The following AEBP2 variants were observed in gnomAD, a reference collection of about 807,000 sequenced individuals.
AEBP2 encodes zinc finger protein AEBP2.
A neutral mutation model predicts 50.8 loss-of-function variants in AEBP2; 10 were observed. That is an observed-to-expected ratio of 0.20 (90% CI 0.12 to 0.33). The LOEUF (loss-of-function observed/expected upper bound fraction) is 0.33. Ranked by LOEUF, AEBP2 falls within the 10% of genes least tolerant of loss-of-function variation. AEBP2 has a pLI of 1.00. For synonymous variants in AEBP2, 296 were observed against 261.3 expected, an observed-to-expected ratio of 1.13 and a Z score of -1.28; for missense variants, 570 against 688.0, an observed-to-expected ratio of 0.83 and a Z score of 1.92.
chr12:19,465,633 C>G (rs557728722), intron 2 of AEBP2, among the ~76,000 whole-genome samples: 4 of 152,180 alleles, frequency 2.6e-5, no homozygotes, highest in African/African-American at 7.2e-5. Flanking sequence ...CTCAAGCGAT[C>G]TGCCCGCCTT....
intron 1 of AEBP2, among the ~76,000 whole-genome samples, chr12:19,417,709 C>CTT (rs985648060): frequency 3.7e-5 from 5 of 135,422 alleles, no homozygotes; most frequent in Non-Finnish European, 6.4e-5. Context: ...AGCCCAGCCT[C>CTT]TTTTTTTTTT....
At chr12:19,430,622 T>C (rs527593340) in intron 1 of AEBP2, among the ~76,000 whole-genome samples, 38 of 152,268 alleles carry the variant, frequency 2.5e-4, no homozygotes, top group African/African-American at 8.9e-4. Context: ...TGGAATGTCC[T>C]TCCATTTGTT....
chr12:19,452,480 A>G (rs756798294), intron 1 of AEBP2, among the ~76,000 whole-genome samples: 36 of 152,096 alleles, frequency 2.4e-4, no homozygotes, highest in Non-Finnish European at 4.9e-4. Context: ...TGTAACAAGC[A>G]AGGTTGTTAA....
chr12:19,458,443 C>T (rs951752924), intron 1 of AEBP2, among the ~76,000 whole-genome samples: 4 of 152,180 alleles, frequency 2.6e-5, no homozygotes, highest in Non-Finnish European at 4.4e-5. Context: ...CCTTGTCTGC[C>T]ATTGTATTCA....
At chr12:19,467,641 A>T (rs1266288152) in intron 2 of AEBP2, among the ~76,000 whole-genome samples, 1 of 152,150 alleles carries the variant, frequency 6.6e-6, no homozygotes, top group Non-Finnish European at 1.5e-5. Flanking sequence ...TTAGACTCTG[A>T]GTTATCTTAC....
chr12:19,446,553 C>A (rs905927200), intron 1 of AEBP2, among the ~76,000 whole-genome samples: 7 of 152,028 alleles, frequency 4.6e-5, no homozygotes, highest in African/African-American at 1.4e-4. Flanking sequence ...CACGGTGAAA[C>A]CCCGTCTCTA....
chr12:19,489,047 C>T (rs888884471), intron 3 of AEBP2, among the ~76,000 whole-genome samples: 21 of 152,136 alleles, frequency 1.4e-4, no homozygotes, highest in African/African-American at 5.1e-4. Flanking sequence ...CCTCGGCCTG[C>T]CAGAGTGCTG....
At chr12:19,472,619 A>T (rs1948588998) in intron 2 of AEBP2, among the ~76,000 whole-genome samples, 1 of 152,170 alleles carries the variant, frequency 6.6e-6, no homozygotes, top group South Asian at 2.1e-4. Context: ...CATATTCCAG[A>T]CAGGGTCTCA....
At chr12:19,468,126 T>TTG (rs10643072) in intron 2 of AEBP2, among the ~76,000 whole-genome samples, 1,647 of 144,042 alleles carry the variant, frequency 0.011, 19 homozygotes, top group Admixed American at 0.019. Flanking sequence ...CTGCCTGACT[T>TTG]TGTGTGTGTG....
chr12:19,485,592 C>T (rs1213839878), intron 3 of AEBP2, among the ~76,000 whole-genome samples: 2 of 151,336 alleles, frequency 1.3e-5, no homozygotes, highest in African/African-American at 4.9e-5. Context: ...ACCTGTAGAC[C>T]CACCTACTCA....
chr12:19,424,659 G>A (rs2095747609), intron 1 of AEBP2, among the ~76,000 whole-genome samples: 1 of 151,422 alleles, frequency 6.6e-6, no homozygotes, highest in African/African-American at 2.4e-5. Flanking sequence ...GCCTCCTAAA[G>A]TGCTGGGATT....
intron 1 of AEBP2, among the ~76,000 whole-genome samples, chr12:19,433,184 G>A (rs1019214272): frequency 6.6e-6 from 1 of 152,114 alleles, no homozygotes; most frequent in Non-Finnish European, 1.5e-5. Context: ...TCAGGAGTTC[G>A]AGACCAGCCT....
intron 3 of AEBP2, among the ~76,000 whole-genome samples, chr12:19,485,821 C>T (rs1331320835): frequency 6.6e-6 from 1 of 151,540 alleles, no homozygotes; most frequent in Non-Finnish European, 1.5e-5. Flanking sequence ...TCAATAGTGA[C>T]CTATGAGATT....
At position 19,440,178 on chromosome 12, in the gene AEBP2, A is replaced by C. The variant is rs746711559; in HGVS notation, c.479A>C (p.Glu160Ala). ...GDGDGKEGLE[E>A]PKGPRGSQGG... ...GGGGACGGCAAGGAGGGCCTGGAGGAGCCCAAGGGACCGCGGGGCAGCCAG... is the reference window on the plus strand; with the variant it reads ...GGGGACGGCAAGGAGGGCCTGGAGGCGCCCAAGGGACCGCGGGGCAGCCAG... Residue 160 changes from glutamate to alanine, a missense_variant, in exon 1 of 8, where the codon GAG becomes GCG. Glu to Ala is a moderately radical substitution (Grantham distance 107). This residue lies in a region of AEBP2 where 386 missense variants were observed against 336.8 expected (regional missense o/e 1.15). Transcript: ENST00000266508. 6.8e-7 allele frequency: 1 copy of C among 1,471,716 alleles called. No individual in the cohort carries two copies. Among genetic ancestry groups the C allele is most frequent in the Non-Finnish European group, 8.9e-7 (1 of 1,122,042 alleles). The allele number at this position is 1,471,716 out of a possible 1,614,324, so 91.2% of individuals were successfully genotyped here.
intron 1 of AEBP2, among the ~76,000 whole-genome samples, chr12:19,443,722 CA>C (rs1448793544): frequency 6.6e-6 from 1 of 151,540 alleles, no homozygotes; most frequent in East Asian, 2.0e-4. Context: ...GACTCCATCT[CA>C]AAAAAAGATA....
At chr12:19,418,326 G>A (rs2095743737) in intron 1 of AEBP2, among the ~76,000 whole-genome samples, 1 of 149,548 alleles carries the variant, frequency 6.7e-6, no homozygotes, top group Non-Finnish European at 1.5e-5. Context: ...CTGGGTTCAA[G>A]TGATCCTCCC....
intron 2 of AEBP2, among the ~76,000 whole-genome samples, chr12:19,465,278 C>T (rs1186424070): frequency 1.3e-5 from 2 of 151,944 alleles, no homozygotes; most frequent in Non-Finnish European, 2.9e-5. Context: ...CCTGTAGTCC[C>T]AGCTACTCAG....
intron 3 of AEBP2, among the ~76,000 whole-genome samples, chr12:19,490,417 T>G (rs181003262): frequency 1.0e-3 from 155 of 152,296 alleles, no homozygotes; most frequent in Middle Eastern, 3.4e-3. Context: ...AGTGTCACTC[T>G]GTTGCCCAGG....
chr12:19,518,205 G>C lies in AEBP2; in HGVS notation c.*88G>C. On this transcript the variant is annotated 3_prime_UTR_variant, in exon 8 of 8. Transcript: ENST00000266508. Reference sequence around the variant, plus strand: ...TGGGTTTAGGGAAAGTTGCACATTAGAGTCAACCCCTTCTTTTTTTTTTTT... The same window carrying C: ...TGGGTTTAGGGAAAGTTGCACATTACAGTCAACCCCTTCTTTTTTTTTTTT... 2 of 1,353,610 alleles carry C rather than the reference G, an allele frequency of 1.5e-6. No homozygotes were observed. The highest frequency in any genetic ancestry group is 1.9e-6 in the Non-Finnish European group (2 of 1,051,360). The allele number at this position is 1,353,610 out of a possible 1,614,324, so 83.8% of individuals were successfully genotyped here.
Sources: allele counts gnomAD v4.1 joint callset (sites outside exome capture counted in the v4.1 genomes callset), GRCh38; gene constraint gnomAD v4.1.1; regional missense constraint gnomAD v4.1.1; transcripts MANE v1.5; gene names NCBI Gene and HGNC (gene_info 2026-07-23, HGNC 2026-07-21).